MTHFD2L: variants seen among roughly 807,000 people sequenced by gnomAD.
MTHFD2L encodes bifunctional methylenetetrahydrofolate dehydrogenase/cyclohydrolase 2, mitochondrial.
A neutral mutation model predicts 34.9 loss-of-function variants in MTHFD2L; 29 were observed. The ratio of observed to expected loss-of-function variants is 0.83; its 90% confidence interval spans 0.62 to 1.13. MTHFD2L has a LOEUF of 1.13. MTHFD2L is among the 50% of genes most tolerant of loss of function. The pLI is 0.00. For synonymous variants in MTHFD2L, 167 were observed against 155.7 expected (o/e 1.07, Z -0.54); for missense variants, 481 against 446.5 (o/e 1.08, Z -0.70).
chr4:74,128,434 T>C (rs1233545596), intron 1 of MTHFD2L, among the ~76,000 whole-genome samples: 2 of 152,104 alleles, frequency 1.3e-5, no homozygotes, highest in Non-Finnish European at 2.9e-5. Context: ...TCTATGCATA[T>C]GGTTATCCAG....
intron 7 of MTHFD2L, among the ~76,000 whole-genome samples, chr4:74,300,753 A>T (rs1218935236): frequency 1.3e-5 from 2 of 152,074 alleles, no homozygotes; most frequent in Non-Finnish European, 2.9e-5. Flanking sequence ...TCCATGACTT[A>T]TGATGGGGTT....
intron 6 of MTHFD2L, among the ~76,000 whole-genome samples, chr4:74,236,591 T>C (rs1578568322): frequency 6.6e-6 from 1 of 152,384 alleles, no homozygotes; most frequent in East Asian, 1.9e-4. Context: ...AGGGTCTACA[T>C]TGCTAGTATG....
At chr4:74,172,293 ATTAAAAC>A (rs1728168378) in intron 1 of MTHFD2L, among the ~76,000 whole-genome samples, 1 of 152,184 alleles carries the variant, frequency 6.6e-6, no homozygotes, top group Non-Finnish European at 1.5e-5. Context: ...ATATACATAT[ATTAAAAC>A]TTAAACTTGT....
intron 3 of MTHFD2L, among the ~76,000 whole-genome samples, chr4:74,196,191 A>C (rs1396738284): frequency 6.6e-6 from 1 of 152,224 alleles, no homozygotes. Flanking sequence ...TTCCATGGGA[A>C]AGCAGAGGAA....
chr4:74,120,299 A>G (rs1439829422), upstream of MTHFD2L, among the ~76,000 whole-genome samples: 1 of 152,222 alleles, frequency 6.6e-6, no homozygotes. Context: ...ACCGCAGTAC[A>G]TGATTCAGGT....
At chr4:74,300,406 C>T (rs1420735720) in intron 7 of MTHFD2L, among the ~76,000 whole-genome samples, 1 of 151,784 alleles carries the variant, frequency 6.6e-6, no homozygotes, top group African/African-American at 2.4e-5. Context: ...TTCAAAAGGG[C>T]GACATAAGTT....
At chr4:74,202,693 G>A (rs1734650522) in intron 5 of MTHFD2L, among the ~76,000 whole-genome samples, 1 of 152,166 alleles carries the variant, frequency 6.6e-6, no homozygotes, top group South Asian at 2.1e-4. Context: ...CTATGTGTTA[G>A]AGACGTGTTG....
chr4:74,301,600 A>G (rs922007564), intron 7 of MTHFD2L, 97 bp from the exon 8 acceptor site: 3 of 665,190 alleles, frequency 4.5e-6, no homozygotes, highest in Non-Finnish European at 7.5e-6. Flanking sequence ...TGATTTGTAT[A>G]TATAATGAAG....
Position 74,174,508 on chromosome 4 carries a change from A to G in MTHFD2L, c.146A>G (p.His49Arg), listed in dbSNP as rs781573026. 9 of 1,532,562 alleles carry G rather than the reference A, an allele frequency of 5.9e-6. No homozygotes were observed. The highest frequency in any genetic ancestry group is 1.3e-5 in the South Asian group (1 of 77,708). The allele number at this position is 1,532,562 out of a possible 1,614,324, so 94.9% of individuals were successfully genotyped here. Residue 49 changes from histidine (H) to arginine (R), a missense_variant and splice_region_variant, in exon 2 of 8, where the codon CAT becomes CGT. Transcript: ENST00000325278. ...FRGFRSSGVR[H>R]EAIIISGTEM... ...ATTTATTGTTTTGCTTTCCACAGAC[A>G]TGAAGCCATTATTATATCAGGAACC...
At chr4:74,169,345 A>G (rs147665854) in intron 1 of MTHFD2L, among the ~76,000 whole-genome samples, 2 of 152,300 alleles carry the variant, frequency 1.3e-5, no homozygotes, top group East Asian at 1.9e-4. Flanking sequence ...GGTCACGCAG[A>G]TTTGTACTGT....
intron 6 of MTHFD2L, among the ~76,000 whole-genome samples, chr4:74,240,141 G>A (rs1741486115): frequency 6.6e-6 from 1 of 152,186 alleles, no homozygotes. Flanking sequence ...TAAATTTTAT[G>A]ACGTTATAGT....
chr4:74,251,395 A>T (rs1373565722), intron 6 of MTHFD2L, among the ~76,000 whole-genome samples: 1 of 152,164 alleles, frequency 6.6e-6, no homozygotes, highest in South Asian at 2.1e-4. Context: ...GTTTTCTATC[A>T]TTTGGTGGTT....
At chr4:74,174,761 T>G in intron 2 of MTHFD2L, 71 bp downstream of exon 2, 1 of 1,088,206 alleles carries the variant, frequency 9.2e-7, no homozygotes, top group Non-Finnish European at 1.2e-6. Flanking sequence ...GTGATAATTA[T>G]GAATGATAAT....
At chr4:74,203,234 A>T (rs1037114449) in intron 5 of MTHFD2L, among the ~76,000 whole-genome samples, 1 of 150,870 alleles carries the variant, frequency 6.6e-6, no homozygotes, top group South Asian at 2.3e-4. Flanking sequence ...TCTTAGCCCA[A>T]ATCCAGTGGT....
At chr4:74,159,294 A>G (rs1431731715) in intron 1 of MTHFD2L, among the ~76,000 whole-genome samples, 1 of 152,230 alleles carries the variant, frequency 6.6e-6, no homozygotes, top group Non-Finnish European at 1.5e-5. Context: ...ATAACAGTGA[A>G]TCAGAGTTGT....
chr4:74,174,116 G>A (rs1393890913), intron 1 of MTHFD2L, among the ~76,000 whole-genome samples: 1 of 152,098 alleles, frequency 6.6e-6, no homozygotes, highest in African/African-American at 2.4e-5. Context: ...ATGGCAGAAG[G>A]CACAAGGGAG....
intron 7 of MTHFD2L, among the ~76,000 whole-genome samples, chr4:74,284,744 A>G (rs1747941159): frequency 6.6e-6 from 1 of 152,120 alleles, no homozygotes. Flanking sequence ...ACACGGTGGG[A>G]CTGTAAACTA....
In MTHFD2L at chr4:74,225,301, G is replaced by C. The variant is rs141579737; in HGVS notation, c.713-1G>C. The C allele has an allele frequency of 3.9e-5, 63 of 1,610,074 alleles. 1 individual carries two copies. The African/African-American group carries it at 7.9e-4, about 20-fold the overall frequency. ...CTGATAGAAATTCTTCTGTATTCCA[G>C]GTGATGCAACTGTGACAATAGCTCA... On this transcript the variant is annotated splice_acceptor_variant, in intron 5 of 7. Transcript: ENST00000325278. LOFTEE classifies it high-confidence loss of function.
intron 5 of MTHFD2L, among the ~76,000 whole-genome samples, chr4:74,222,282 A>G (rs949521912): frequency 6.6e-6 from 1 of 152,114 alleles, no homozygotes; most frequent in Non-Finnish European, 1.5e-5. Context: ...TAATTTATAA[A>G]GAATAGAAAT....
Sources: gnomAD v4.1 joint callset for allele counts (sites outside exome capture counted in the v4.1 genomes callset) on GRCh38, gnomAD v4.1.1 for gene constraint, MANE v1.5 for transcripts, NCBI Gene and HGNC (gene_info 2026-07-23, HGNC 2026-07-21) for gene names.